Variants in TBC1D5 observed in about 807,000 individuals in gnomAD.
The protein encoded by TBC1D5 is TBC1 domain family member 5.
Under a neutral mutation model 100.3 loss-of-function variants are expected in TBC1D5, and 75 were observed. The ratio of observed to expected loss-of-function variants is 0.75; its 90% CI spans 0.62 to 0.91. The LOEUF (loss-of-function observed/expected upper bound fraction) is 0.91. TBC1D5 is among the 40% of genes least tolerant of loss of function. The pLI is 0.00. For synonymous variants in TBC1D5, 323 were observed against 325.6 expected, an observed-to-expected ratio of 0.99 and a Z score of 0.09; for missense variants, 910 against 942.4, an observed-to-expected ratio of 0.97 and a Z score of 0.45.
At chr3:17,628,595 T>C (rs1485486466) in intron 1 of TBC1D5, among the ~76,000 whole-genome samples, 2 of 152,186 alleles carry the variant, frequency 1.3e-5, no homozygotes, top group Non-Finnish European at 1.5e-5. Flanking sequence ...TGTAACTATC[T>C]GAAGAACCCT....
At position 17,725,437 on chromosome 3, in the gene TBC1D5, TG is replaced by T. The variant is rs527828721; in HGVS notation, c.-101+13905del. Reference sequence around the variant, plus strand: ...AGGCAACTTTTCTTGCAGCCTCCTGTGGGCAAGAGCATAGCAGGGTTTTAAT... The same window carrying T: ...AGGCAACTTTTCTTGCAGCCTCCTGTGGCAAGAGCATAGCAGGGTTTTAAT... On this transcript the variant is annotated intron_variant, in intron 1 of 21. Transcript: ENST00000253692. 5.2e-3 allele frequency among the ~76,000 whole-genome samples: 786 copies of T among 152,042 alleles called. 4 individuals are homozygous for T. The highest frequency in any genetic ancestry group is 0.012 in the Admixed American group (185 of 15,260).
At chr3:17,680,815 C>A (rs1166489991) in intron 1 of TBC1D5, among the ~76,000 whole-genome samples, 1 of 151,362 alleles carries the variant, frequency 6.6e-6, no homozygotes, top group Non-Finnish European at 1.5e-5. Flanking sequence ...TGAAGTACAA[C>A]AGGGTCCCCT....
chr3:17,468,387 T>A (rs1441385201), intron 3 of TBC1D5, among the ~76,000 whole-genome samples: 1 of 152,170 alleles, frequency 6.6e-6, no homozygotes, highest in Non-Finnish European at 1.5e-5. Context: ...TTAGCTCAAT[T>A]TTTTTTCAAT....
At chr3:17,683,927 C>T (rs1250716819) in intron 1 of TBC1D5, among the ~76,000 whole-genome samples, 1 of 152,084 alleles carries the variant, frequency 6.6e-6, no homozygotes, top group East Asian at 1.9e-4. Context: ...ATTTTGATGT[C>T]ATAAGAAAAT....
intron 1 of TBC1D5, 89 bp from the exon 2 acceptor site, chr3:17,624,002 AC>A (rs760260352): frequency 6.6e-6 from 1 of 152,198 alleles, no homozygotes; most frequent in Non-Finnish European, 1.5e-5. Context: ...ATTTTAATAA[AC>A]TGATTCATAT....
chr3:17,332,115 C>CG (rs1408974245), intron 13 of TBC1D5, among the ~76,000 whole-genome samples: 1 of 152,038 alleles, frequency 6.6e-6, no homozygotes, highest in Non-Finnish European at 1.5e-5. Context: ...GAAGACCAGT[C>CG]GGGGGCATCT....
chr3:17,741,087 CTT>C (rs891671323), upstream of TBC1D5, among the ~76,000 whole-genome samples: 2 of 152,320 alleles, frequency 1.3e-5, no homozygotes, highest in African/African-American at 4.8e-5. Context: ...AAATACAACA[CTT>C]TATTTATTTG....
At chr3:17,534,040 AAGG>A (rs1250985486) in intron 2 of TBC1D5, among the ~76,000 whole-genome samples, 2 of 152,118 alleles carry the variant, frequency 1.3e-5, no homozygotes, top group African/African-American at 2.4e-5. Context: ...TAGCAATGAC[AAGG>A]AGAAGCAGAT....
At chr3:17,429,418 A>G (rs2094406861) in intron 3 of TBC1D5, among the ~76,000 whole-genome samples, 2 of 152,082 alleles carry the variant, frequency 1.3e-5, no homozygotes, top group South Asian at 4.1e-4. Context: ...AAACAAATTA[A>G]AAGTTTAGAA....
intron 2 of TBC1D5, among the ~76,000 whole-genome samples, chr3:17,526,581 T>C (rs1344868650): frequency 6.6e-6 from 1 of 152,194 alleles, no homozygotes; most frequent in Non-Finnish European, 1.5e-5. Flanking sequence ...TTAGACAAAT[T>C]AGCTAAACTG....
intron 16 of TBC1D5, among the ~76,000 whole-genome samples, chr3:17,239,148 G>T (rs1374474070): frequency 3.3e-5 from 5 of 152,132 alleles, no homozygotes; most frequent in African/African-American, 9.6e-5. Flanking sequence ...AAGGATTTTT[G>T]TCTCTTTTGT....
At chr3:17,319,461 GA>G (rs1374556660) in intron 13 of TBC1D5, among the ~76,000 whole-genome samples, 5 of 146,862 alleles carry the variant, frequency 3.4e-5, no homozygotes, top group African/African-American at 1.3e-4. Flanking sequence ...TGCAAATGGC[GA>G]AAAAGAACTT....
intron 13 of TBC1D5, among the ~76,000 whole-genome samples, chr3:17,342,492 G>A (rs1041579485): frequency 2.0e-5 from 3 of 152,134 alleles, no homozygotes; most frequent in African/African-American, 7.2e-5. Context: ...AGTTAGTACA[G>A]TATGTAATAG....
intron 8 of TBC1D5, among the ~76,000 whole-genome samples, chr3:17,391,493 A>T (rs1340329105): frequency 6.6e-6 from 1 of 152,002 alleles, no homozygotes; most frequent in Non-Finnish European, 1.5e-5. Context: ...CTAAGCCACC[A>T]ATTTTGGTTG....
At chr3:17,572,165 GCTCT>G (rs150454002) in intron 2 of TBC1D5, among the ~76,000 whole-genome samples, 1 of 149,556 alleles carries the variant, frequency 6.7e-6, no homozygotes, top group Non-Finnish European at 1.5e-5. Flanking sequence ...GCTTATTCCT[GCTCT>G]CTCTCTCTCT....
intron 1 of TBC1D5, among the ~76,000 whole-genome samples, chr3:17,731,827 T>A (rs1407726547): frequency 2.6e-5 from 4 of 152,046 alleles, no homozygotes; most frequent in Admixed American, 1.3e-4. Flanking sequence ...ATGGTAGTGC[T>A]GAGATTAAAA....
chr3:17,221,612 G>C lies in TBC1D5; in HGVS notation c.1589-7242C>G, dbSNP rs2074300017. On this transcript the variant is annotated intron_variant, in intron 17 of 21. Transcript: ENST00000253692. ...TGCTGGCCTTAAGGATGGAGAAATG[G>C]GGCCATAAACCAAGGAAGATGTCAT... 2.6e-5 allele frequency among the ~76,000 whole-genome samples: 4 copies of C among 152,220 alleles called. 2 individuals carry two copies. The South Asian group carries it at 8.3e-4, about 32-fold the overall frequency.
At chr3:17,163,263 C>A (rs867649212) in intron 21 of TBC1D5, among the ~76,000 whole-genome samples, 6 of 75,726 alleles carry the variant, frequency 7.9e-5, no homozygotes, top group Admixed American at 1.5e-4. Context: ...TGACCCCCCC[C>A]CCTTCCTTGC....
At chr3:17,708,971 C>A (rs939451677) in intron 1 of TBC1D5, among the ~76,000 whole-genome samples, 5 of 152,186 alleles carry the variant, frequency 3.3e-5, no homozygotes, top group Admixed American at 2.0e-4. Context: ...GATAAAAACT[C>A]TAAGCTTAAA....
Sources: allele counts gnomAD v4.1 joint callset (sites outside exome capture counted in the v4.1 genomes callset), GRCh38; gene constraint gnomAD v4.1.1; transcripts MANE v1.5; gene names NCBI Gene and HGNC (gene_info 2026-07-23, HGNC 2026-07-21).